The following NCKAP5 variants were observed in gnomAD, a reference collection of about 807,000 sequenced individuals.
NCKAP5 encodes NCK associated protein 5.
NCKAP5 carries 92 observed loss-of-function variants against 167.0 expected under a neutral mutation model. The observed-to-expected ratio is 0.55, with a 90% CI of 0.47 to 0.66. The LOEUF (loss-of-function observed/expected upper bound fraction) is 0.66. NCKAP5 is among the 30% of genes least tolerant of loss of function. The pLI is 0.00. For missense variants in NCKAP5, 2,378 were observed against 2,315.0 expected, an observed-to-expected ratio of 1.03 and a Z score of -0.56; for synonymous variants, 891 against 877.4, an observed-to-expected ratio of 1.02 and a Z score of -0.27.
chr2:133,002,893 C>A (rs949377101), intron 6 of NCKAP5, among the ~76,000 whole-genome samples: 1 of 152,170 alleles, frequency 6.6e-6, no homozygotes, highest in South Asian at 2.1e-4. Flanking sequence ...TTCCCATAGA[C>A]CTATGTATGC....
At chr2:133,457,275 G>T (rs535487879) in intron 3 of NCKAP5, among the ~76,000 whole-genome samples, 1 of 152,204 alleles carries the variant, frequency 6.6e-6, no homozygotes, top group Non-Finnish European at 1.5e-5. Flanking sequence ...TTTTGGAACT[G>T]AATTTAGAGC....
chr2:133,640,205 A>G, the NCKAP5 span, among the ~76,000 whole-genome samples: 5 of 152,218 alleles, frequency 3.3e-5, no homozygotes, highest in Admixed American at 3.3e-4. Flanking sequence ...TGTTTTATGT[A>G]TTAAGCTAAA....
chr2:133,264,293 C>T (rs1402107550), intron 4 of NCKAP5, among the ~76,000 whole-genome samples: 1 of 152,140 alleles, frequency 6.6e-6, no homozygotes, highest in Non-Finnish European at 1.5e-5. Flanking sequence ...CATTACTGGG[C>T]CTTTTGGTGG....
the NCKAP5 span, among the ~76,000 whole-genome samples, chr2:133,647,224 C>T: frequency 1.3e-5 from 2 of 151,704 alleles, no homozygotes; most frequent in South Asian, 4.2e-4. Context: ...GCAGTCCCAG[C>T]TACTTAAGAG....
intron 3 of NCKAP5, among the ~76,000 whole-genome samples, chr2:133,500,777 T>C (rs1682439096): frequency 6.6e-6 from 1 of 152,212 alleles, no homozygotes; most frequent in South Asian, 2.1e-4. Context: ...GTAAGTTTAT[T>C]GGGATAGTGA....
intron 2 of NCKAP5, among the ~76,000 whole-genome samples, chr2:133,518,632 G>C (rs1684226742): frequency 6.6e-6 from 1 of 151,938 alleles, no homozygotes; most frequent in Admixed American, 6.6e-5. Context: ...GGGATTACAG[G>C]CATGAGCCAC....
At position 132,785,054 on chromosome 2, in the gene NCKAP5, T is replaced by C; in HGVS notation, c.1757A>G (p.Glu586Gly). ...NLQLSDTDDN[E>G]TFDELHIESS... Reference sequence around the variant, plus strand: ...CTCTATGTGCAGCTCATCAAACGTTTCATTGTCATCAGTGTCTGAAAGCTG... The same window carrying C: ...CTCTATGTGCAGCTCATCAAACGTTCCATTGTCATCAGTGTCTGAAAGCTG... Residue 586 changes from glutamate (E) to glycine (G), a missense_variant, in exon 14 of 20, where the codon GAA becomes GGA. Glu to Gly is a moderately conservative substitution (Grantham distance 98, BLOSUM62 -2). This residue lies in a region of NCKAP5 where 1,049 missense variants were observed against 1,023.4 expected (regional missense o/e 1.02). Coordinates refer to ENST00000409261, the MANE Select transcript of NCKAP5 (RefSeq NM_207363.3). The C allele has an allele frequency of 1.9e-6, 3 of 1,614,060 alleles. No homozygotes were observed. The highest frequency in any genetic ancestry group is 2.5e-6 in the Non-Finnish European group (3 of 1,179,898).
chr2:132,822,495 C>G (rs913799667), intron 11 of NCKAP5, among the ~76,000 whole-genome samples: 2 of 152,138 alleles, frequency 1.3e-5, no homozygotes, highest in African/African-American at 4.8e-5. Context: ...AGCCCCATTC[C>G]CAGGGGTAAG....
intron 19 of NCKAP5, among the ~76,000 whole-genome samples, chr2:132,677,337 A>G (rs1684621418): frequency 6.6e-6 from 1 of 152,180 alleles, no homozygotes; most frequent in Non-Finnish European, 1.5e-5. Context: ...TAGTGTAACC[A>G]TGGAATTATT....
At chr2:133,213,215 A>G (rs1184605602) in intron 5 of NCKAP5, among the ~76,000 whole-genome samples, 1 of 152,236 alleles carries the variant, frequency 6.6e-6, no homozygotes, top group Non-Finnish European at 1.5e-5. Flanking sequence ...ACAATTCAAA[A>G]TACAAGGAAA....
At chr2:133,079,058 A>G (rs1348083341) in intron 6 of NCKAP5, among the ~76,000 whole-genome samples, 3 of 152,192 alleles carry the variant, frequency 2.0e-5, no homozygotes, top group Non-Finnish European at 4.4e-5. Flanking sequence ...TTAGAAAAGA[A>G]AAGAAATATA....
intron 8 of NCKAP5, among the ~76,000 whole-genome samples, chr2:132,898,475 T>G (rs936386370): frequency 5.3e-5 from 8 of 152,222 alleles, no homozygotes; most frequent in African/African-American, 1.9e-4. Context: ...CATCTAGAAT[T>G]GTGATCCTTT....
chr2:133,379,967 A>G (rs1476501033), intron 3 of NCKAP5, among the ~76,000 whole-genome samples: 8 of 152,214 alleles, frequency 5.3e-5, no homozygotes, highest in Non-Finnish European at 1.2e-4. Context: ...TGTTCATACT[A>G]TTACAATATA....
Position 132,782,435 on chromosome 2 carries a change from G to C in NCKAP5, c.4376C>G (p.Thr1459Ser), listed in dbSNP as rs1169065495. The C allele has an allele frequency of 3.1e-6, 5 of 1,613,888 alleles. No individual in the cohort carries two copies. The East Asian group carries it at 1.1e-4, about 36-fold the overall frequency. The change falls in exon 14 of 20, where the codon ACT becomes AGT. Residue 1459 changes from threonine to serine, a missense_variant. This residue lies in a region of NCKAP5 where 1,325 missense variants were observed against 1,274.5 expected (regional missense o/e 1.04). Transcript: ENST00000409261. ...GGGGGCTTCTGAACTCACAGCATCA[G>C]TCGCGGTTGCAGAGGCATCTGGATG... ...GRHPDASATA[T>S]DAVSSEAPLS...
intron 3 of NCKAP5, among the ~76,000 whole-genome samples, chr2:133,459,458 T>C (rs1692069590): frequency 6.6e-6 from 1 of 152,148 alleles, no homozygotes; most frequent in African/African-American, 2.4e-5. Flanking sequence ...AGGAGGCTCA[T>C]TTAGTCCAGG....
At chr2:133,111,302 C>T (rs1438068782) in intron 6 of NCKAP5, among the ~76,000 whole-genome samples, 1 of 152,116 alleles carries the variant, frequency 6.6e-6, no homozygotes, top group Non-Finnish European at 1.5e-5. Flanking sequence ...GCCATATACC[C>T]ATCTCAAAAA....
chr2:133,491,124 CAATT>C (rs1335275416), intron 3 of NCKAP5, among the ~76,000 whole-genome samples: 15 of 152,222 alleles, frequency 9.9e-5, no homozygotes, highest in Non-Finnish European at 1.9e-4. Flanking sequence ...CAATAGTCAT[CAATT>C]CATTCATTCA....
At chr2:132,956,506 C>G (rs1296432338) in intron 8 of NCKAP5, among the ~76,000 whole-genome samples, 2 of 152,198 alleles carry the variant, frequency 1.3e-5, no homozygotes, top group African/African-American at 4.8e-5. Context: ...GCTTGCAGAT[C>G]TCATTCTTGC....
At chr2:133,454,752 C>G (rs1050274839) in intron 3 of NCKAP5, among the ~76,000 whole-genome samples, 1 of 152,008 alleles carries the variant, frequency 6.6e-6, no homozygotes, top group Non-Finnish European at 1.5e-5. Context: ...TACATACTTT[C>G]AGGGATTTTG....
Sources: gnomAD v4.1 joint callset for allele counts (sites outside exome capture counted in the v4.1 genomes callset) on GRCh38, gnomAD v4.1.1 for gene constraint, gnomAD v4.1.1 regional missense constraint, MANE v1.5 for transcripts, NCBI Gene and HGNC (gene_info 2026-07-23, HGNC 2026-07-21) for gene names.